AGBL1: variants seen among roughly 807,000 people sequenced by gnomAD.
AGBL1 encodes AGBL carboxypeptidase 1, also known as cytosolic carboxypeptidase 4.
Under a neutral mutation model 118.9 loss-of-function variants are expected in AGBL1, and 130 were observed. The ratio of observed to expected loss-of-function variants is 1.09; its 90% CI spans 0.95 to 1.26. AGBL1 has a LOEUF of 1.26. AGBL1 is among the 50% of genes most tolerant of loss of function. The pLI is 0.00. For missense variants in AGBL1, 1,584 were observed against 1,298.1 expected (o/e 1.22, Z -3.38); for synonymous variants, 555 against 478.9 (o/e 1.16, Z -2.08).
In AGBL1 at chr15:86,269,182, T is replaced by C. The variant is rs554042410; in HGVS notation, c.1839-737T>C. Reference sequence around the variant, plus strand: ...CATGGAGCTGTATATTTAAGATGTGTGTATTTTATAGCATGGGAGTTATAT... The same window carrying C: ...CATGGAGCTGTATATTTAAGATGTGCGTATTTTATAGCATGGGAGTTATAT... On this transcript the variant is annotated intron_variant, in intron 13 of 22. Coordinates refer to ENST00000614907, the MANE Select transcript of AGBL1 (RefSeq NM_001386094.1). Among the ~76,000 whole-genome samples, 230 of 152,328 alleles carry C rather than the reference T, an allele frequency of 1.5e-3. 5 individuals are homozygous for C. In the South Asian group the frequency reaches 0.046, roughly 30 times the overall value.
intron 22 of AGBL1, among the ~76,000 whole-genome samples, chr15:86,858,820 G>T (rs1339767794): frequency 1.3e-5 from 2 of 152,124 alleles, no homozygotes; most frequent in Non-Finnish European, 2.9e-5. Context: ...GTCTAGATAG[G>T]TCTAAAAGAC....
intron 5 of AGBL1, among the ~76,000 whole-genome samples, chr15:86,213,781 C>T (rs978222739): frequency 3.3e-5 from 5 of 151,970 alleles, no homozygotes; most frequent in African/African-American, 1.2e-4. Context: ...TAAAATTTGC[C>T]GTTTAAAACC....
At chr15:86,835,436 A>G (rs538158638) in intron 22 of AGBL1, among the ~76,000 whole-genome samples, 133 of 152,194 alleles carry the variant, frequency 8.7e-4, no homozygotes, top group Non-Finnish European at 1.3e-3. Flanking sequence ...TTTGATAATT[A>G]CTCAGTGAGA....
At chr15:86,294,476 T>A (rs905515616) in intron 16 of AGBL1, among the ~76,000 whole-genome samples, 8 of 151,822 alleles carry the variant, frequency 5.3e-5, no homozygotes, top group Admixed American at 2.0e-4. Flanking sequence ...ATTTTTTTTT[T>A]TAAATGAGTA....
chr15:86,308,382 G>C (rs192838938), intron 17 of AGBL1, among the ~76,000 whole-genome samples: 3 of 152,292 alleles, frequency 2.0e-5, no homozygotes, highest in South Asian at 2.1e-4. Context: ...TCTGCCATGT[G>C]AGGACACTGA....
At chr15:86,277,422 A>C in intron 15 of AGBL1, among the ~76,000 whole-genome samples, 1 of 152,136 alleles carries the variant, frequency 6.6e-6, no homozygotes, top group East Asian at 1.9e-4. Context: ...TCTTGAGCCC[A>C]TGGAAGCTCA....
At position 86,743,858 on chromosome 15, in the gene AGBL1, CA is replaced by C. The variant is rs2077716791; in HGVS notation, c.3158+69423del. Among the ~76,000 whole-genome samples the C allele has an allele frequency of 3.3e-5, 5 of 151,844 alleles. No individual in the cohort carries two copies. The South Asian group carries it at 6.2e-4, about 19-fold the overall frequency. On this transcript the variant is annotated intron_variant, in intron 22 of 22. Coordinates refer to ENST00000614907, the MANE Select transcript of AGBL1 (RefSeq NM_001386094.1). Reference sequence around the variant, plus strand: ...ATGGCCTTTCCAGTGTATCTGATCACACACCCCCATCCCCCGCAACACACAC... The same window carrying C: ...ATGGCCTTTCCAGTGTATCTGATCACCACCCCCATCCCCCGCAACACACAC...
chr15:86,670,310 G>A (rs1054570185), intron 21 of AGBL1, among the ~76,000 whole-genome samples: 1 of 151,856 alleles, frequency 6.6e-6, no homozygotes, highest in Non-Finnish European at 1.5e-5. Context: ...AGTATTATAA[G>A]TTTAAAATAA....
At chr15:86,916,557 A>G (rs1370559171), downstream of AGBL1, among the ~76,000 whole-genome samples, 1 of 152,164 alleles carries the variant, frequency 6.6e-6, no homozygotes, top group Non-Finnish European at 1.5e-5. Flanking sequence ...TCTTTAAGTG[A>G]TTCCGTAGCA....
chr15:86,390,660 ATT>A (rs756052402), intron 17 of AGBL1, among the ~76,000 whole-genome samples: 9 of 75,472 alleles, frequency 1.2e-4, no homozygotes, highest in African/African-American at 1.6e-4. Context: ...ATACTGTATG[ATT>A]TTTTTTTTTT....
chr15:86,464,146 G>A (rs184583136), intron 18 of AGBL1, among the ~76,000 whole-genome samples: 15 of 152,122 alleles, frequency 9.9e-5, no homozygotes, highest in Non-Finnish European at 1.3e-4. Context: ...CCAGAAAGAC[G>A]GTCTTCGTGT....
downstream of AGBL1, among the ~76,000 whole-genome samples, chr15:86,919,650 A>G (rs974995932): frequency 2.6e-5 from 4 of 152,094 alleles, no homozygotes; most frequent in Non-Finnish European, 5.9e-5. Flanking sequence ...ATGAATGAAG[A>G]AAAAACCAGA....
intron 22 of AGBL1, among the ~76,000 whole-genome samples, chr15:86,810,995 C>G (rs1403915805): frequency 6.6e-6 from 1 of 152,112 alleles, no homozygotes; most frequent in Non-Finnish European, 1.5e-5. Context: ...AGCAAAGTCT[C>G]AAGAGATTGG....
At chr15:86,696,779 T>C (rs913408049) in intron 22 of AGBL1, among the ~76,000 whole-genome samples, 3 of 151,994 alleles carry the variant, frequency 2.0e-5, no homozygotes, top group African/African-American at 7.2e-5. Context: ...GCAGTTCTTG[T>C]AGTGCTGGCT....
At chr15:87,008,177 G>C (rs1338773496) in intron 24 of AGBL1, among the ~76,000 whole-genome samples, 1 of 152,178 alleles carries the variant, frequency 6.6e-6, no homozygotes, top group African/African-American at 2.4e-5. Flanking sequence ...AGGAAGATCT[G>C]CTTCCACCTG....
chr15:86,773,740 C>T (rs903952580), intron 22 of AGBL1, among the ~76,000 whole-genome samples: 1 of 151,956 alleles, frequency 6.6e-6, no homozygotes, highest in Non-Finnish European at 1.5e-5. Context: ...CTTTAGACCC[C>T]TGATGCTGTC....
At chr15:86,390,210 T>A (rs1455816961) in intron 17 of AGBL1, among the ~76,000 whole-genome samples, 1 of 152,172 alleles carries the variant, frequency 6.6e-6, no homozygotes, top group African/African-American at 2.4e-5. Context: ...ATATAATAAT[T>A]CTAAATCTGT....
In AGBL1 at chr15:86,626,533, A is replaced by G. The variant is rs962146349; in HGVS notation, c.2995-47740A>G. Among the ~76,000 whole-genome samples the G allele has an allele frequency of 2.6e-5, 4 of 152,186 alleles. No homozygotes were observed. The South Asian group carries it at 8.3e-4, about 32-fold the overall frequency. ...CAAGGTGGGAGGAGGGAGAGGAGCA[A>G]GAAAAATAACTAATGGGTACTAGGC... is the stretch of plus-strand genomic sequence containing the variant. On this transcript the variant is annotated intron_variant, in intron 21 of 22. Transcript: ENST00000614907.
intron 22 of AGBL1, among the ~76,000 whole-genome samples, chr15:86,848,605 A>G (rs2079353399): frequency 6.6e-6 from 1 of 152,090 alleles, no homozygotes; most frequent in African/African-American, 2.4e-5. Flanking sequence ...AGCAGTTGTA[A>G]CTTATCTCTG....
Sources: allele counts gnomAD v4.1 joint callset (sites outside exome capture counted in the v4.1 genomes callset), GRCh38; gene constraint gnomAD v4.1.1; transcripts MANE v1.5; gene names NCBI Gene and HGNC (gene_info 2026-07-23, HGNC 2026-07-21).